WNT2B: variants seen among roughly 807,000 people sequenced by gnomAD.
WNT2B encodes the protein Wnt family member 2B.
A neutral mutation model predicts 40.5 loss-of-function variants in WNT2B; 19 were observed. The observed-to-expected ratio is 0.47, with a 90% CI of 0.33 to 0.69. The LOEUF (loss-of-function observed/expected upper bound fraction) is 0.69. WNT2B is among the 30% of genes least tolerant of loss of function. The pLI is 0.02. For synonymous variants in WNT2B, 220 were observed against 211.9 expected, an observed-to-expected ratio of 1.04 and a Z score of -0.33; for missense variants, 467 against 556.4, an observed-to-expected ratio of 0.84 and a Z score of 1.62.
Position 112,481,134 on chromosome 1 carries a change from A to T in WNT2B, c.-95+13543A>T, listed in dbSNP as rs1213057730. Among the ~76,000 whole-genome samples the T allele has an allele frequency of 2.6e-5, 4 of 151,158 alleles. 1 individual carries two copies. The East Asian group carries it at 7.7e-4, about 29-fold the overall frequency. On this transcript the variant is annotated intron_variant, in intron 1 of 4. Transcript: ENST00000256640. ...CAGTGAGCCGAGATCGCGCCACTGC[A>T]CTCCAGCCTGGGCAACAAGAGCAAA... is the stretch of plus-strand genomic sequence containing the variant.
chr1:112,477,763 A>G (rs1651096278), intron 1 of WNT2B, among the ~76,000 whole-genome samples: 1 of 152,208 alleles, frequency 6.6e-6, no homozygotes. Context: ...GAATTTCAAC[A>G]GCAGACTTGA....
intron 1 of WNT2B, among the ~76,000 whole-genome samples, chr1:112,490,134 A>G (rs1651550895): frequency 7.1e-6 from 1 of 140,604 alleles, no homozygotes; most frequent in African/African-American, 2.5e-5. Context: ...AAAGAAACAA[A>G]CAAGAGAGAC....
At chr1:112,512,954 G>A (rs1423404814) in intron 1 of WNT2B, among the ~76,000 whole-genome samples, 2 of 152,144 alleles carry the variant, frequency 1.3e-5, no homozygotes, top group Non-Finnish European at 2.9e-5. Context: ...CACACTCAGT[G>A]AGGATGTAAT....
chr1:112,484,401 A>G (rs1182397977), intron 1 of WNT2B, among the ~76,000 whole-genome samples: 6 of 150,236 alleles, frequency 4.0e-5, no homozygotes, highest in African/African-American at 1.5e-4. Context: ...CCCAGGCTCA[A>G]ATGATCCTCC....
chr1:112,490,336 C>G (rs1651557300), intron 1 of WNT2B, among the ~76,000 whole-genome samples: 2 of 152,170 alleles, frequency 1.3e-5, no homozygotes, highest in African/African-American at 4.8e-5. Flanking sequence ...GGATCACCTC[C>G]TCGTTCTGAG....
At chr1:112,482,843 T>C (rs1394255879) in intron 1 of WNT2B, among the ~76,000 whole-genome samples, 2 of 152,160 alleles carry the variant, frequency 1.3e-5, no homozygotes, top group African/African-American at 4.8e-5. Flanking sequence ...TGAAAAAATA[T>C]TGGTAAAATG....
intron 1 of WNT2B, among the ~76,000 whole-genome samples, chr1:112,474,754 G>A (rs939076820): frequency 1.3e-5 from 2 of 152,184 alleles, no homozygotes; most frequent in Non-Finnish European, 2.9e-5. Flanking sequence ...CTCCAATGTT[G>A]GAGGTGGAGT....
Position 112,523,864 on chromosome 1 carries a change from AAAGT to A in WNT2B, c.*3359_*3362del, listed in dbSNP as rs1292102163. 2 of 152,122 alleles carry A rather than the reference AAAGT, an allele frequency of 1.3e-5. No homozygotes were observed. Among genetic ancestry groups the A allele is most frequent in the African/African-American group, 4.8e-5 (2 of 41,426 alleles). The allele number at this position is 152,122 out of a possible 1,614,324, so 9.4% of individuals were successfully genotyped here. On this transcript the variant is annotated 3_prime_UTR_variant, in exon 5 of 5. Transcript: ENST00000369684. ...GCCTGTAGCCAGTTTTTTTAATGTA[AAAGT>A]AAGAATGCCAGCCTTAACCTAGCCC...
chr1:112,514,261 G>A (rs1375878501), intron 1 of WNT2B, among the ~76,000 whole-genome samples: 1 of 152,206 alleles, frequency 6.6e-6, no homozygotes, highest in African/African-American at 2.4e-5. Flanking sequence ...AAGGGTTTGA[G>A]GAGGAGAGTA....
In WNT2B at chr1:112,529,732, C is replaced by A. The variant is rs1016298605; in HGVS notation, c.*9223C>A. On this transcript the variant is annotated 3_prime_UTR_variant, in exon 5 of 5. Coordinates refer to ENST00000369684, the MANE Select transcript of WNT2B (RefSeq NM_024494.3). ...AAAAAACAGAAGGTTACTCTCAATG[C>A]CATCCAAAAGATAAAAGTTAAAAAA... is the stretch of plus-strand genomic sequence containing the variant. The A allele has an allele frequency of 2.0e-5, 3 of 146,686 alleles. No homozygotes were observed. The highest frequency in any genetic ancestry group is 7.6e-5 in the African/African-American group (3 of 39,242). The allele number at this position is 146,686 out of a possible 1,614,324, so 9.1% of individuals were successfully genotyped here. A position where few individuals can be genotyped will look rare whatever the true frequency, so the allele number is the denominator to read the frequency against.
chr1:112,504,238 C>T (rs1652043773), upstream of WNT2B, among the ~76,000 whole-genome samples: 1 of 152,136 alleles, frequency 6.6e-6, no homozygotes, highest in African/African-American at 2.4e-5. Flanking sequence ...CAAAAGGCTC[C>T]AGACACCCCC....
intron 1 of WNT2B, among the ~76,000 whole-genome samples, chr1:112,471,563 T>G (rs918250512): frequency 6.6e-6 from 1 of 152,206 alleles, no homozygotes; most frequent in South Asian, 2.1e-4. Flanking sequence ...TCTCAGTTTT[T>G]TGAGAGATTT....
In WNT2B at chr1:112,528,576, C is replaced by T. The variant is rs1653840408; in HGVS notation, c.*8067C>T. On this transcript the variant is annotated 3_prime_UTR_variant, in exon 5 of 5. Transcript: ENST00000369684. ...GCTCCTTATCATTTGAGATTCTGGG[C>T]TAAGTAAGAGATATCAAATATCCTA... 1 of 152,138 alleles carries T rather than the reference C, an allele frequency of 6.6e-6. No homozygotes were observed. The highest frequency in any genetic ancestry group is 1.5e-5 in the Non-Finnish European group (1 of 68,034). The allele number at this position is 152,138 out of a possible 1,614,324, so 9.4% of individuals were successfully genotyped here.
intron 1 of WNT2B, among the ~76,000 whole-genome samples, chr1:112,481,921 CAGA>C (rs1400211863): frequency 1.3e-5 from 2 of 151,744 alleles, no homozygotes; most frequent in Non-Finnish European, 2.9e-5. Flanking sequence ...CAGAGGCGGG[CAGA>C]TCACTTGAGG....
chr1:112,493,466 T>C (rs1651666980), intron 1 of WNT2B, among the ~76,000 whole-genome samples: 1 of 151,966 alleles, frequency 6.6e-6, no homozygotes, highest in Non-Finnish European at 1.5e-5. Context: ...AAAAAATGTA[T>C]TTTGAATCAG....
intron 1 of WNT2B, among the ~76,000 whole-genome samples, chr1:112,476,978 C>A (rs549126411): frequency 6.6e-6 from 1 of 152,260 alleles, no homozygotes; most frequent in Admixed American, 6.5e-5. Context: ...CTGTGTGCAA[C>A]CAAGCATCAA....
intron 1 of WNT2B, among the ~76,000 whole-genome samples, chr1:112,486,065 T>G (rs1418593284): frequency 6.6e-6 from 1 of 151,976 alleles, no homozygotes; most frequent in African/African-American, 2.4e-5. Flanking sequence ...CACCAGCTAC[T>G]GGAAGGCTGG....
At chr1:112,503,464 G>A (rs147604822) in intron 1 of WNT2B, among the ~76,000 whole-genome samples, 3 of 152,284 alleles carry the variant, frequency 2.0e-5, no homozygotes, top group African/African-American at 7.2e-5. Context: ...GAGACAGAGA[G>A]AGGGCAAGAG....
At chr1:112,513,769 G>T (rs539365222) in intron 1 of WNT2B, among the ~76,000 whole-genome samples, 1 of 152,178 alleles carries the variant, frequency 6.6e-6, no homozygotes, top group South Asian at 2.1e-4. Flanking sequence ...CCTTTGATGC[G>T]TTCTGGACAG....
Sources: allele counts gnomAD v4.1 joint callset (sites outside exome capture counted in the v4.1 genomes callset), GRCh38; gene constraint gnomAD v4.1.1; transcripts MANE v1.5; gene names NCBI Gene and HGNC (gene_info 2026-07-23, HGNC 2026-07-21).